The following LMAN1 variants were observed in gnomAD, a reference collection of about 807,000 sequenced individuals.
LMAN1 encodes the protein protein ERGIC-53.
In LMAN1, 32 loss-of-function variants were observed where a neutral mutation model predicts 67.8. That is an observed-to-expected ratio of 0.47 (90% CI 0.36 to 0.63). The LOEUF (loss-of-function observed/expected upper bound fraction) is 0.63, where lower values mean the gene tolerates loss of function less well. LMAN1 is among the 30% of genes least tolerant of loss of function. The probability of loss-of-function intolerance (pLI) is 0.00; values close to 1 mark genes in which losing one functional copy is unlikely to be tolerated. For missense variants in LMAN1, 632 were observed against 628.2 expected (o/e 1.01, Z -0.06); for synonymous variants, 235 against 219.3 (o/e 1.07, Z -0.63).
chr18:59,334,842 A>ATT (rs200015005), intron 10 of LMAN1, among the ~76,000 whole-genome samples: 1 of 150,058 alleles, frequency 6.7e-6, no homozygotes, highest in African/African-American at 2.4e-5. Flanking sequence ...ATCTCTTTAC[A>ATT]TTTTTTTTTT....
At chr18:59,349,566 T>G (rs1253005437) in intron 5 of LMAN1, among the ~76,000 whole-genome samples, 3 of 152,174 alleles carry the variant, frequency 2.0e-5, no homozygotes, top group Non-Finnish European at 1.5e-5. Context: ...GGATCAGACT[T>G]GTTCTCAGAT....
At position 59,353,280 on chromosome 18, in the gene LMAN1, C is replaced by T. The variant is rs765991108; in HGVS notation, c.561G>A (p.Leu187=). 6.2e-7 allele frequency: 1 copy of T among 1,613,888 alleles called. No homozygotes were observed. Among genetic ancestry groups the T allele is most frequent in the East Asian group, 2.2e-5 (1 of 44,870 alleles). The change falls in exon 5 of 13, where the codon TTG becomes TTA. Residue 187 remains leucine (L), a synonymous_variant. Coordinates refer to ENST00000251047, the MANE Select transcript of LMAN1 (RefSeq NM_005570.4). ...DHQNDGASQA[L]ASCQRDFRNK... ...TGCGGAAGTCCCTCTGGCAACTTGC[C>T]AAAGCTTGACTAGCCCCGTCACTAT...
chr18:59,335,060 G>A (rs1027307047), intron 10 of LMAN1, among the ~76,000 whole-genome samples: 2 of 152,118 alleles, frequency 1.3e-5, no homozygotes, highest in Non-Finnish European at 2.9e-5. Context: ...AGATGTCCTA[G>A]TACTACTGTT....
At chr18:59,335,232 GAGACC>G (rs1324050713) in intron 10 of LMAN1, among the ~76,000 whole-genome samples, 1 of 151,996 alleles carries the variant, frequency 6.6e-6, no homozygotes, top group East Asian at 1.9e-4. Context: ...TCAGGAGTTC[GAGACC>G]AGCCTGGCCA....
chr18:59,354,899 A>G (rs1444501050), intron 3 of LMAN1, among the ~76,000 whole-genome samples: 1 of 152,244 alleles, frequency 6.6e-6, no homozygotes, highest in Non-Finnish European at 1.5e-5. Flanking sequence ...GGCCCGATCA[A>G]AAAGAATGAT....
chr18:59,335,866 AC>A (rs1381561116), intron 10 of LMAN1, among the ~76,000 whole-genome samples: 2 of 152,258 alleles, frequency 1.3e-5, no homozygotes, highest in Admixed American at 1.3e-4. Flanking sequence ...TGTCTTTCTC[AC>A]AGGGATACGA....
chr18:59,339,593 C>T (rs1908241425), intron 8 of LMAN1, among the ~76,000 whole-genome samples: 1 of 152,204 alleles, frequency 6.6e-6, no homozygotes, highest in African/African-American at 2.4e-5. Context: ...AGGGAAACCA[C>T]ATGGAATCCC....
rs1439426505 is a variant in LMAN1 at position 59,345,930 on chromosome 18, T to C, written c.944A>G (p.Gln315Arg). 1.9e-6 allele frequency: 3 copies of C among 1,613,926 alleles called. No homozygotes were observed. The highest frequency in any genetic ancestry group is 2.5e-6 in the Non-Finnish European group (3 of 1,180,040). ...EEFQKGHPDL[Q>R]GQPAEEIFES... ...TTGCTACAACTCACCAGGCTGCCCT[T>C]GGAGGTCGGGGTGGCCCTTCTGGAA... The change falls in exon 8 of 13, where the codon CAA becomes CGA. Residue 315 changes from glutamine to arginine, a missense_variant. Gln to Arg is a conservative substitution (Grantham distance 43). Coordinates refer to ENST00000251047, the MANE Select transcript of LMAN1 (RefSeq NM_005570.4).
chr18:59,355,197 T>G (rs41327645), intron 3 of LMAN1, 116 bp downstream of exon 3: 8,843 of 779,392 alleles, frequency 0.011, 88 homozygotes, highest in South Asian at 0.021. Flanking sequence ...ACCATATAGC[T>G]TGGGGAGTTC....
chr18:59,352,048 A>G (rs1908554726), intron 5 of LMAN1, among the ~76,000 whole-genome samples: 1 of 152,130 alleles, frequency 6.6e-6, no homozygotes, highest in Non-Finnish European at 1.5e-5. Flanking sequence ...TATTTTTTTT[A>G]CTTTTAAGTA....
intron 7 of LMAN1, among the ~76,000 whole-genome samples, chr18:59,347,062 C>A (rs1908426503): frequency 6.6e-6 from 1 of 151,800 alleles, no homozygotes. Context: ...AACCCCGTCT[C>A]TAGCAAAAAA....
At chr18:59,339,376 G>A (rs1908236378) in intron 8 of LMAN1, among the ~76,000 whole-genome samples, 1 of 152,120 alleles carries the variant, frequency 6.6e-6, no homozygotes, top group South Asian at 2.1e-4. Flanking sequence ...TAAGGAGAGA[G>A]TTTGAGGCAG....
At chr18:59,354,696 T>C (rs1908620283) in intron 3 of LMAN1, 116 bp from the exon 4 acceptor site, 1 of 571,260 alleles carries the variant, frequency 1.8e-6, no homozygotes. Flanking sequence ...AATTTTAAAA[T>C]AACCTGGCCT....
At chr18:59,346,750 C>T (rs781724524) in intron 7 of LMAN1, among the ~76,000 whole-genome samples, 2 of 142,096 alleles carry the variant, frequency 1.4e-5, no homozygotes, top group Admixed American at 7.0e-5. Context: ...AAACTCCTGA[C>T]CTCAGGTGAT....
At chr18:59,355,482 T>G (rs764282483) in intron 2 of LMAN1, 22 bp downstream of exon 2, 1 of 1,614,006 alleles carries the variant, frequency 6.2e-7, no homozygotes. Flanking sequence ...GCACATTTTC[T>G]AAGTTAAAGA....
At chr18:59,352,151 C>T (rs1309736236) in intron 5 of LMAN1, among the ~76,000 whole-genome samples, 1 of 152,168 alleles carries the variant, frequency 6.6e-6, no homozygotes, top group Non-Finnish European at 1.5e-5. Flanking sequence ...GATATCTCCA[C>T]CTATATGTTA....
chr18:59,347,534 C>G lies in LMAN1; in HGVS notation c.801G>C (p.Leu267Phe). ...HDVLSFLTFQ[L>F]TEPGKEPPTP... ...TTACCGGCTCTTTTCCAGGTTCAGT[C>G]AACTGGAAAGTCAGAAAAGAAAGGA... The change falls in exon 7 of 13, where the codon TTG becomes TTC. Residue 267 changes from leucine to phenylalanine, a missense_variant. Transcript: ENST00000251047. 1 of 1,607,680 alleles carries G rather than the reference C, an allele frequency of 6.2e-7. No individual in the cohort carries two copies. The highest frequency in any genetic ancestry group is 8.5e-7 in the Non-Finnish European group (1 of 1,177,168).
In LMAN1 at chr18:59,344,710, G is replaced by C. The variant is rs147844157; in HGVS notation, c.955+1209C>G. 3.0e-3 allele frequency among the ~76,000 whole-genome samples: 463 copies of C among 152,032 alleles called. 2 individuals are homozygous for C. The highest frequency in any genetic ancestry group is 0.01 in the African/African-American group (428 of 41,366). On this transcript the variant is annotated intron_variant, in intron 8 of 12. Coordinates refer to ENST00000251047, the MANE Select transcript of LMAN1 (RefSeq NM_005570.4). The stretch of plus-strand genomic sequence containing the variant: ...ACCCACTGAGTACCAGGTTCATTAG[G>C]GTGAGAGTACACTAAAACCCCAGAC...
chr18:59,338,813 A>C lies in LMAN1; in HGVS notation c.1096T>G (p.Leu366Val), dbSNP rs753515236. The C allele has an allele frequency of 1.9e-6, 3 of 1,614,128 alleles. No individual in the cohort carries two copies. Among genetic ancestry groups the C allele is most frequent in the East Asian group, 2.2e-5 (1 of 44,870 alleles). Residue 366 changes from leucine (L) to valine (V), a missense_variant, in exon 9 of 13, where the codon TTA (leucine) becomes GTA (valine). Transcript: ENST00000251047. ...LDEQRRYVSS[L>V]TEEISKRGAG... ...CCTCTTTTAGAGATTTCCTCTGTTAAGGAAGAGACATATCTTCTCTGTTCA... is the reference window on the plus strand; with the variant it reads ...CCTCTTTTAGAGATTTCCTCTGTTACGGAAGAGACATATCTTCTCTGTTCA...
Sources: gnomAD v4.1 joint callset for allele counts (sites outside exome capture counted in the v4.1 genomes callset) on GRCh38, gnomAD v4.1.1 for gene constraint, MANE v1.5 for transcripts, NCBI Gene and HGNC (gene_info 2026-07-23, HGNC 2026-07-21) for gene names.